ST14: variants seen among roughly 807,000 people sequenced by gnomAD.
ST14 encodes the protein suppressor of tumorigenicity 14 protein.
ST14 carries 40 observed loss-of-function variants against 96.5 expected under a neutral mutation model. The ratio of observed to expected loss-of-function variants is 0.41; its 90% CI spans 0.32 to 0.54. The LOEUF is 0.54. ST14 is among the 20% of genes least tolerant of loss of function. The pLI is 0.17. For missense variants in ST14, 1,066 were observed against 1,188.9 expected, an observed-to-expected ratio of 0.90 and a Z score of 1.52; for synonymous variants, 506 against 492.1, an observed-to-expected ratio of 1.03 and a Z score of -0.37.
At chr11:130,164,984 A>G (rs1953030242) in intron 1 of ST14, among the ~76,000 whole-genome samples, 1 of 151,984 alleles carries the variant, frequency 6.6e-6, no homozygotes. Flanking sequence ...TGATCTGCCC[A>G]CCTCGGCCTC....
At chr11:130,203,736 T>C (rs1953456655) in intron 16 of ST14, among the ~76,000 whole-genome samples, 1 of 152,180 alleles carries the variant, frequency 6.6e-6, no homozygotes, top group Admixed American at 6.5e-5. Flanking sequence ...CACTGCAACC[T>C]CCGCCTCCCG....
At chr11:130,193,766 G>A (rs969280448) in intron 7 of ST14, among the ~76,000 whole-genome samples, 6 of 152,308 alleles carry the variant, frequency 3.9e-5, no homozygotes, top group Admixed American at 6.5e-5. Context: ...CACTGCGCCC[G>A]GCTGGGTGTT....
chr11:130,160,836 C>T (rs1379037008), intron 1 of ST14, among the ~76,000 whole-genome samples: 2 of 152,156 alleles, frequency 1.3e-5, no homozygotes, highest in Non-Finnish European at 2.9e-5. Flanking sequence ...AGTGCCCGGG[C>T]GGGACCAGCA....
chr11:130,163,936 C>T (rs1450885198), intron 1 of ST14, among the ~76,000 whole-genome samples: 1 of 152,174 alleles, frequency 6.6e-6, no homozygotes, highest in Non-Finnish European at 1.5e-5. Flanking sequence ...CGAGTCACAG[C>T]TCCCTCCCCC....
chr11:130,207,303 C>A (rs923267144), intron 16 of ST14, among the ~76,000 whole-genome samples: 1 of 152,192 alleles, frequency 6.6e-6, no homozygotes, highest in Admixed American at 6.5e-5. Context: ...GTAATTCCAG[C>A]ACTTTGGGAG....
At chr11:130,197,970 C>T in intron 12 of ST14, 25 bp downstream of exon 12, 1 of 1,547,150 alleles carries the variant, frequency 6.5e-7, no homozygotes, top group South Asian at 1.2e-5. Flanking sequence ...GAGCCCCGGT[C>T]TCCCCACCCT....
intron 9 of ST14, 87 bp downstream of exon 9, chr11:130,194,824 GTGTGTGCATGTGTTTGCATA>G: frequency 7.5e-7 from 1 of 1,336,132 alleles, no homozygotes; most frequent in Non-Finnish European, 1.1e-6. Flanking sequence ...GTGTGTGGAT[GTGTGTGCATGTGTTTGCATA>G]TGTGTGCATG....
At chr11:130,174,638 A>G (rs953810314) in intron 1 of ST14, among the ~76,000 whole-genome samples, 1 of 152,204 alleles carries the variant, frequency 6.6e-6, no homozygotes, top group Non-Finnish European at 1.5e-5. Flanking sequence ...CACAAGGACA[A>G]GGTGTTTTGC....
chr11:130,188,053 A>C lies in ST14; in HGVS notation c.82-61A>C. The stretch of plus-strand genomic sequence containing the variant: ...CTCACAAAATGTGAACATCTTCCCC[A>C]GCGGGGTGCAGGGGAAGAGCGGGTG... On this transcript the variant is annotated intron_variant, in intron 1 of 18. Transcript: ENST00000278742. This position sits in a 1 kb window ranked among gnomAD's most constrained non-coding sequence, Gnocchi z 5.4. 6.3e-7 allele frequency: 1 copy of C among 1,590,582 alleles called. No individual in the cohort carries two copies. The highest frequency in any genetic ancestry group is 1.1e-5 in the South Asian group (1 of 89,438).
chr11:130,198,448 G>T, intron 13 of ST14, 30 bp downstream of exon 13: 1 of 1,613,272 alleles, frequency 6.2e-7, no homozygotes, highest in Non-Finnish European at 8.5e-7. Flanking sequence ...TGCCTGGGCG[G>T]GCAGGTGGGC....
chr11:130,183,381 G>C (rs570237733), intron 1 of ST14, among the ~76,000 whole-genome samples: 1 of 152,288 alleles, frequency 6.6e-6, no homozygotes, highest in South Asian at 2.1e-4. Flanking sequence ...AGAAAACCCA[G>C]CCTGAAAGGC....
chr11:130,196,734 G>T (rs770033545), intron 11 of ST14, 34 bp downstream of exon 11: 1 of 1,614,102 alleles, frequency 6.2e-7, no homozygotes, highest in Non-Finnish European at 8.5e-7. Flanking sequence ...GGGCTGGCGG[G>T]GGCCTGCACC....
chr11:130,189,916 G>C lies in ST14; in HGVS notation c.598+20G>C. 2 of 1,613,528 alleles carry C rather than the reference G, an allele frequency of 1.2e-6. No individual in the cohort carries two copies. Among genetic ancestry groups the C allele is most frequent in the Non-Finnish European group, 1.7e-6 (2 of 1,179,942 alleles). On this transcript the variant is annotated intron_variant, in intron 5 of 18. Coordinates refer to ENST00000278742, the MANE Select transcript of ST14 (RefSeq NM_021978.4). ...CTTTCCGTGAGTCCGAGGGCCAGGGGTGGGCGTGGGACTGGCCAGCCTTCC... is the reference window on the plus strand; with the variant it reads ...CTTTCCGTGAGTCCGAGGGCCAGGGCTGGGCGTGGGACTGGCCAGCCTTCC...
intron 12 of ST14, 34 bp downstream of exon 12, chr11:130,197,979 C>A (rs754904185): frequency 1.3e-6 from 2 of 1,539,382 alleles, no homozygotes; most frequent in Non-Finnish European, 8.8e-7. Context: ...TCTCCCCACC[C>A]TCCTTCCCCA....
At chr11:130,192,529 C>T (rs1269409813) in intron 7 of ST14, among the ~76,000 whole-genome samples, 3 of 152,218 alleles carry the variant, frequency 2.0e-5, no homozygotes. Context: ...GCTGGGATTA[C>T]AGGCATGCGC....
rs1689915800 is a variant in ST14, at chr11:130,188,794, G to T, written c.370-75G>T. 1 of 1,603,728 alleles carries T rather than the reference G, an allele frequency of 6.2e-7. No homozygotes were observed. Among genetic ancestry groups the T allele is most frequent in the Non-Finnish European group, 8.5e-7 (1 of 1,173,360 alleles). On this transcript the variant is annotated intron_variant, in intron 3 of 18. Coordinates refer to ENST00000278742, the MANE Select transcript of ST14 (RefSeq NM_021978.4). The surrounding 1 kb of genome is among the most constrained non-coding windows in gnomAD (Gnocchi z 5.4). ...CTGCAAAGGGGACCCGGGCCCTGGA[G>T]GGGAGGGAGCAGCCCGGGCTTGGGG... is the stretch of plus-strand genomic sequence containing the variant.
rs548530848 is a variant in ST14 at position 130,199,813 on chromosome 11, C to T, written c.1808-138C>T. 593 of 1,031,384 alleles carry T rather than the reference C, an allele frequency of 5.7e-4. 6 individuals carry two copies. In the South Asian group the frequency reaches 6.2e-3, roughly 11 times the overall value. The allele number at this position is 1,031,384 out of a possible 1,614,324, so 63.9% of individuals were successfully genotyped here. A position where few individuals can be genotyped will look rare whatever the true frequency, so the allele number is the denominator to read the frequency against. The stretch of plus-strand genomic sequence containing the variant: ...GATAGTTTTGGGGGTCCCTCACGCC[C>T]TGGCCACGCCAGCAGTGCTGTGCAC... On this transcript the variant is annotated intron_variant, in intron 15 of 18. Transcript: ENST00000278742.
chr11:130,168,501 A>G (rs1247408088), intron 1 of ST14, among the ~76,000 whole-genome samples: 1 of 152,168 alleles, frequency 6.6e-6, no homozygotes, highest in Non-Finnish European at 1.5e-5. Flanking sequence ...TGCAGTGCTA[A>G]TTAGTGCAGA....
intron 17 of ST14, 57 bp downstream of exon 17, chr11:130,208,741 C>T (rs1953515423): frequency 1.3e-6 from 2 of 1,560,456 alleles, no homozygotes; most frequent in African/African-American, 1.4e-5. Flanking sequence ...TCTCCAAGGC[C>T]GTGTTTCCTC....
Sources: allele counts gnomAD v4.1 joint callset (sites outside exome capture counted in the v4.1 genomes callset), GRCh38; gene constraint gnomAD v4.1.1; non-coding constraint Gnocchi (gnomAD v3.1); transcripts MANE v1.5; gene names NCBI Gene and HGNC (gene_info 2026-07-23, HGNC 2026-07-21).